QKI: variants seen among roughly 807,000 people sequenced by gnomAD.
QKI encodes the protein KH domain-containing RNA-binding protein QKI.
Under a neutral mutation model 39.0 loss-of-function variants are expected in QKI, and 10 were observed. That is an observed-to-expected ratio of 0.26 (90% CI 0.16 to 0.43). QKI has a LOEUF of 0.43. Ranked by LOEUF, QKI falls within the 20% of genes least tolerant of loss-of-function variation. The pLI is 1.00. For missense variants in QKI, 218 were observed against 428.0 expected (o/e 0.51, Z 4.33); for synonymous variants, 204 against 155.4 (o/e 1.31, Z -2.33).
rs1267852391 is a variant in QKI, at chr6:163,436,541, C to A, written c.143-18738C>A. Among the ~76,000 whole-genome samples, 2 of 152,012 alleles carry A rather than the reference C, an allele frequency of 1.3e-5. 1 individual carries two copies. The highest frequency in any genetic ancestry group is 4.8e-5 in the African/African-American group (2 of 41,382). On this transcript the variant is annotated intron_variant, in intron 1 of 7. Coordinates refer to ENST00000361752, the MANE Select transcript of QKI (RefSeq NM_006775.3). The stretch of plus-strand genomic sequence containing the variant: ...ATGAAAAGGAAGAAATGGCAAGGTG[C>A]GGTGGCTCACACCTGTAATCCCAGC...
intron 1 of QKI, among the ~76,000 whole-genome samples, chr6:163,447,744 C>T (rs946444964): frequency 6.6e-6 from 1 of 152,004 alleles, no homozygotes; most frequent in Non-Finnish European, 1.5e-5. Context: ...ATAACTAGAT[C>T]GCTTTATTTT....
At chr6:163,448,390 G>C (rs2128217502) in intron 1 of QKI, among the ~76,000 whole-genome samples, 1 of 147,604 alleles carries the variant, frequency 6.8e-6, no homozygotes, top group South Asian at 2.1e-4. Flanking sequence ...AATTAAATCA[G>C]ATTTATTTGG....
rs1359392065 is a variant in QKI at position 163,564,315 on chromosome 6, A to G, written c.934+596A>G. 4.9e-6 allele frequency: 5 copies of G among 1,019,162 alleles called. No individual in the cohort carries two copies. In the South Asian group the frequency reaches 1.2e-4, roughly 25 times the overall value. The allele number at this position is 1,019,162 out of a possible 1,614,324, so 63.1% of individuals were successfully genotyped here. On this transcript the variant is annotated intron_variant, in intron 6 of 7. Transcript: ENST00000361752. Reference sequence around the variant, plus strand: ...CATCATAGAGTGTACTTACACAGACATAGATGATATCGTTTACTACACACC... The same window carrying G: ...CATCATAGAGTGTACTTACACAGACGTAGATGATATCGTTTACTACACACC...
intron 7 of QKI, chr6:163,567,011 A>G (rs950651174): frequency 1.0e-4 from 134 of 1,290,898 alleles, no homozygotes; most frequent in Non-Finnish European, 1.3e-4. Flanking sequence ...TAAATCTTCT[A>G]TTATTATGTA....
At chr6:163,468,290 A>C (rs1001614466) in intron 2 of QKI, among the ~76,000 whole-genome samples, 1 of 152,174 alleles carries the variant, frequency 6.6e-6, no homozygotes, top group Admixed American at 6.5e-5. Flanking sequence ...TTGTGCAAAA[A>C]GCAATCCAAA....
chr6:163,447,694 C>G (rs192339482), intron 1 of QKI, among the ~76,000 whole-genome samples: 19 of 152,172 alleles, frequency 1.2e-4, no homozygotes, highest in African/African-American at 3.9e-4. Context: ...AATATATCCT[C>G]CTTCAGATTC....
chr6:163,547,054 G>C (rs1444170355), intron 4 of QKI, among the ~76,000 whole-genome samples: 1 of 151,986 alleles, frequency 6.6e-6, no homozygotes, highest in Non-Finnish European at 1.5e-5. Flanking sequence ...CTTCTTTGTA[G>C]AATATAATAT....
intron 3 of QKI, among the ~76,000 whole-genome samples, chr6:163,494,482 C>T (rs1178331194): frequency 6.6e-6 from 1 of 152,222 alleles, no homozygotes; most frequent in African/African-American, 2.4e-5. Context: ...ACTGGCGACA[C>T]TTTCACGGTC....
chr6:163,570,167 T>G (rs1376930032), intron 7 of QKI: 7 of 985,688 alleles, frequency 7.1e-6, no homozygotes, highest in Non-Finnish European at 8.4e-6. Flanking sequence ...CCAGAGTTTA[T>G]GTTGAACCAA....
intron 1 of QKI, among the ~76,000 whole-genome samples, chr6:163,442,382 G>T (rs1789827812): frequency 6.6e-6 from 1 of 151,988 alleles, no homozygotes; most frequent in South Asian, 2.1e-4. Flanking sequence ...GATCTCTTTG[G>T]GCTCCTCCAA....
chr6:163,453,268 A>G lies in QKI; in HGVS notation c.143-2011A>G, dbSNP rs531117765. Among the ~76,000 whole-genome samples, 12 of 151,548 alleles carry G rather than the reference A, an allele frequency of 7.9e-5. No homozygotes were observed. In the East Asian group the frequency reaches 1.2e-3, roughly 15 times the overall value. ...TATCTTAGTGCATTTTTCTTTTTCT[A>G]TTTATTTCAGATGTTTGCATCTATA... On this transcript the variant is annotated intron_variant, in intron 1 of 7. Transcript: ENST00000361752.
chr6:163,532,892 T>A (rs1242181537), intron 3 of QKI, among the ~76,000 whole-genome samples: 1 of 152,332 alleles, frequency 6.6e-6, no homozygotes, highest in South Asian at 2.1e-4. Context: ...GGGGCAGTTA[T>A]AGGCTCACCT....
In QKI at chr6:163,476,303, T is replaced by A. The variant is rs528493263; in HGVS notation, c.286-2477T>A. The stretch of plus-strand genomic sequence containing the variant: ...TTTTTTTTTTTTTTTTTAAATCATC[T>A]TCTTTGTCCTGTAGTCTTTTTTTTC... On this transcript the variant is annotated intron_variant, in intron 2 of 7. Coordinates refer to ENST00000361752, the MANE Select transcript of QKI (RefSeq NM_006775.3). Among the ~76,000 whole-genome samples the A allele has an allele frequency of 1.0e-3, 152 of 151,804 alleles. 1 individual carries two copies. The highest frequency in any genetic ancestry group is 9.1e-3 in the South Asian group (44 of 4,814).
intron 2 of QKI, among the ~76,000 whole-genome samples, chr6:163,463,515 A>C (rs1791495136): frequency 6.6e-6 from 1 of 152,234 alleles, no homozygotes; most frequent in African/African-American, 2.4e-5. Context: ...ACCAGCAGCA[A>C]AGGGGAAAAA....
intron 4 of QKI, among the ~76,000 whole-genome samples, chr6:163,536,737 C>T (rs1464559677): frequency 6.6e-6 from 1 of 152,162 alleles, no homozygotes; most frequent in Non-Finnish European, 1.5e-5. Flanking sequence ...AAAATCAGTT[C>T]CTTCATCTTC....
intron 4 of QKI, among the ~76,000 whole-genome samples, chr6:163,550,991 G>A (rs1290258118): frequency 6.7e-6 from 1 of 150,142 alleles, no homozygotes; most frequent in Admixed American, 6.6e-5. Flanking sequence ...CAGGGGCATC[G>A]ATCAAATTTT....
chr6:163,570,210 C>A, intron 7 of QKI: 1 of 983,340 alleles, frequency 1.0e-6, no homozygotes. Context: ...TCTTTAGATT[C>A]ATTTCTGTTA....
At chr6:163,433,547 A>G (rs1299223942) in intron 1 of QKI, among the ~76,000 whole-genome samples, 1 of 152,192 alleles carries the variant, frequency 6.6e-6, no homozygotes, top group Non-Finnish European at 1.5e-5. Context: ...TGGGCAGATC[A>G]CGAGGTCAGG....
At chr6:163,529,138 C>G (rs953825871) in intron 3 of QKI, among the ~76,000 whole-genome samples, 1 of 151,956 alleles carries the variant, frequency 6.6e-6, no homozygotes, top group Admixed American at 6.6e-5. Context: ...AGTAAGAGAA[C>G]AAGAAATGGA....
Sources: allele counts gnomAD v4.1 joint callset (sites outside exome capture counted in the v4.1 genomes callset), GRCh38; gene constraint gnomAD v4.1.1; transcripts MANE v1.5; gene names NCBI Gene and HGNC (gene_info 2026-07-23, HGNC 2026-07-21).